The following PCDHA7 variants were observed in gnomAD, a reference collection of about 807,000 sequenced individuals.
PCDHA7 encodes protocadherin alpha 7, also known as protocadherin alpha-7.
In PCDHA7, 37 loss-of-function variants were observed where a neutral mutation model predicts 57.2. That is an observed-to-expected ratio of 0.65 (90% confidence interval 0.50 to 0.85). The LOEUF (loss-of-function observed/expected upper bound fraction) is 0.85, where lower values mean the gene tolerates loss of function less well. Among genes scored for constraint, PCDHA7 ranks in the 40% least tolerant of loss-of-function variants. PCDHA7 has a pLI of 0.00. For synonymous variants in PCDHA7, 553 were observed against 558.8 expected (o/e 0.99, Z 0.15); for missense variants, 1,188 against 1,241.8 (o/e 0.96, Z 0.65).
chr5:140,858,495 G>T, intron 1 of PCDHA7: 1 of 1,481,630 alleles, frequency 6.7e-7, no homozygotes, highest in Non-Finnish European at 9.2e-7. Flanking sequence ...TTCTCTTACC[G>T]CATTTTCTCA....
intron 1 of PCDHA7, among the ~76,000 whole-genome samples, chr5:140,947,681 C>T (rs976876831): frequency 3.3e-5 from 5 of 151,572 alleles, no homozygotes; most frequent in Non-Finnish European, 5.9e-5. Context: ...AAAAAATTGT[C>T]TCAGCATGTT....
At position 140,852,588 on chromosome 5, in the gene PCDHA7, T is replaced by G. The variant is rs2150519378; in HGVS notation, c.2355+15850T>G. 150 of 881,406 alleles carry G rather than the reference T, an allele frequency of 1.7e-4. 16 individuals are homozygous for G. The highest frequency in any genetic ancestry group is 2.0e-4 in the Non-Finnish European group (145 of 723,694). 54.6% of individuals were successfully genotyped at this position (881,406 alleles called of 1,614,324 possible). A position where few individuals can be genotyped will look rare whatever the true frequency, so the allele number is the denominator to read the frequency against. On this transcript the variant is annotated intron_variant, in intron 1 of 3. Transcript: ENST00000525929. ...ACTGTGCCAAGGCTTTTTTATTTTT[T>G]TTTTTTGTCATTTTCTTTCAAAACT...
chr5:140,927,204 G>A, intron 1 of PCDHA7: 1 of 1,614,112 alleles, frequency 6.2e-7, no homozygotes, highest in Non-Finnish European at 8.5e-7. Context: ...TCGAGGACCC[G>A]CTGGAGCTGC....
intron 1 of PCDHA7, chr5:140,967,549 T>C (rs781838911): frequency 6.2e-7 from 1 of 1,614,012 alleles, no homozygotes; most frequent in Non-Finnish European, 8.5e-7. Flanking sequence ...ACCAGTCCAC[T>C]TATCGCGTCC....
At chr5:140,883,912 C>A in intron 1 of PCDHA7, 1 of 1,613,300 alleles carries the variant, frequency 6.2e-7, no homozygotes, top group South Asian at 1.1e-5. Context: ...TGGGCAGCAA[C>A]GTGACGCTGC....
At chr5:140,951,936 C>G (rs2153694375) in intron 1 of PCDHA7, among the ~76,000 whole-genome samples, 1 of 152,278 alleles carries the variant, frequency 6.6e-6, no homozygotes, top group Admixed American at 6.5e-5. Context: ...TCCCAAGATA[C>G]AGTGCGGGTA....
chr5:140,967,998 G>A lies in PCDHA7; in HGVS notation c.2356-10951G>A, dbSNP rs1554230183. The A allele has an allele frequency of 1.9e-6, 3 of 1,614,040 alleles. No individual in the cohort carries two copies. Among genetic ancestry groups the A allele is most frequent in the African/African-American group, 1.3e-5 (1 of 74,916 alleles). The stretch of plus-strand genomic sequence containing the variant: ...GGTCTGGAGGCCACACTGCCTTTCC[G>A]ACTGAATGGCTTTGGAAACTCCTAT... On this transcript the variant is annotated intron_variant, in intron 1 of 3. Transcript: ENST00000525929.
chr5:140,858,302 A>T, intron 1 of PCDHA7: 1 of 1,597,158 alleles, frequency 6.3e-7, no homozygotes, highest in South Asian at 1.1e-5. Context: ...CTCGCAGCAG[A>T]GGCGGCAGAG....
chr5:140,968,702 A>G, intron 1 of PCDHA7: 3 of 1,614,178 alleles, frequency 1.9e-6, no homozygotes, highest in Non-Finnish European at 2.5e-6. Flanking sequence ...TAGGACTACC[A>G]GGAAGATGGG....
At chr5:140,919,012 C>T (rs1411489160) in intron 1 of PCDHA7, among the ~76,000 whole-genome samples, 1 of 152,164 alleles carries the variant, frequency 6.6e-6, no homozygotes, top group Non-Finnish European at 1.5e-5. Flanking sequence ...CTTTCATTTC[C>T]TAGTGATCTT....
chr5:140,939,673 T>C (rs1235567287), intron 1 of PCDHA7, among the ~76,000 whole-genome samples: 1 of 152,196 alleles, frequency 6.6e-6, no homozygotes, highest in African/African-American at 2.4e-5. Context: ...CCAACTTGTA[T>C]GTATGTGTGT....
chr5:140,884,053 C>G (rs782043806), intron 1 of PCDHA7: 1 of 1,613,496 alleles, frequency 6.2e-7, no homozygotes, highest in Admixed American at 1.7e-5. Context: ...CGAAGGTGCG[C>G]GCGGTGGACG....
At chr5:140,958,344 T>A (rs1247122967) in intron 1 of PCDHA7, among the ~76,000 whole-genome samples, 2 of 152,128 alleles carry the variant, frequency 1.3e-5, no homozygotes, top group African/African-American at 4.8e-5. Context: ...CACAGGAAGT[T>A]CACAGTCTGA....
chr5:140,929,289 G>C (rs574226775), intron 1 of PCDHA7: 2 of 1,597,364 alleles, frequency 1.3e-6, no homozygotes, highest in African/African-American at 2.7e-5. Flanking sequence ...TTCAGATTCG[G>C]AATAGGAAAG....
intron 3 of PCDHA7, 34 bp from the exon 4 acceptor site, chr5:141,009,593 C>T (rs1219056557): frequency 6.2e-7 from 1 of 1,601,902 alleles, no homozygotes; most frequent in Non-Finnish European, 8.5e-7. Context: ...CATGTGTTGA[C>T]CCTGTTAATG....
rs1161459762 is a variant in PCDHA7, at chr5:140,884,196, C to A, written c.2355+47458C>A. 1.9e-6 allele frequency: 3 copies of A among 1,613,298 alleles called. No homozygotes were observed. The African/African-American group carries it at 4.0e-5, about 22-fold the overall frequency. On this transcript the variant is annotated intron_variant, in intron 1 of 3. Coordinates refer to ENST00000525929, the MANE Select transcript of PCDHA7 (RefSeq NM_018910.3). ...CGCCCTCTGGACGAGGTGGACGCGCCGCACCACCGCCTTCTGGTGCTGGTG... is the reference window on the plus strand; with the variant it reads ...CGCCCTCTGGACGAGGTGGACGCGCAGCACCACCGCCTTCTGGTGCTGGTG...
intron 3 of PCDHA7, among the ~76,000 whole-genome samples, chr5:140,987,130 C>G (rs1220504537): frequency 6.6e-6 from 1 of 151,648 alleles, no homozygotes; most frequent in East Asian, 1.9e-4. Context: ...AGGAGAATTG[C>G]TTGAACTCGG....
chr5:140,982,765 C>T (rs1345701735), intron 3 of PCDHA7, among the ~76,000 whole-genome samples: 2 of 151,722 alleles, frequency 1.3e-5, no homozygotes, highest in African/African-American at 2.4e-5. Flanking sequence ...AAAAGGATAA[C>T]AAGGAAAGTG....
Position 140,847,575 on chromosome 5 carries a change from A to C in PCDHA7, c.2355+10837A>C, listed in dbSNP as rs187622781. On this transcript the variant is annotated intron_variant, in intron 1 of 3. Coordinates refer to ENST00000525929, the MANE Select transcript of PCDHA7 (RefSeq NM_018910.3). The stretch of plus-strand genomic sequence containing the variant: ...ACAGAAATTGCCCCGAGTACTAAGG[A>C]TGAGCAATAATGAAATTAAAACATA... 1.3e-4 allele frequency: 19 copies of C among 149,686 alleles called. 1 individual carries two copies. In the East Asian group the frequency reaches 3.7e-3, roughly 29 times the overall value. 9.3% of individuals were successfully genotyped at this position (149,686 alleles called of 1,614,324 possible). A position where few individuals can be genotyped will look rare whatever the true frequency, so the allele number is the denominator to read the frequency against.
Sources: allele counts gnomAD v4.1 joint callset (sites outside exome capture counted in the v4.1 genomes callset), GRCh38; gene constraint gnomAD v4.1.1; transcripts MANE v1.5; gene names NCBI Gene and HGNC (gene_info 2026-07-23, HGNC 2026-07-21).